The following NTMT1 variants were observed in gnomAD, a reference collection of about 807,000 sequenced individuals.
NTMT1 encodes the protein N-terminal Xaa-Pro-Lys N-methyltransferase 1.
Under a neutral mutation model 17.5 loss-of-function variants are expected in NTMT1, and 8 were observed. The ratio of observed to expected loss-of-function variants is 0.46; its 90% confidence interval spans 0.27 to 0.82. NTMT1 has a LOEUF of 0.82. NTMT1 is among the 40% of genes least tolerant of loss of function. The pLI is 0.15. For missense variants in NTMT1, 221 were observed against 303.5 expected (o/e 0.73, Z 2.02); for synonymous variants, 128 against 126.8 (o/e 1.01, Z -0.06).
chr9:129,610,712 G>A (rs1830095632), intron 1 of NTMT1, among the ~76,000 whole-genome samples: 1 of 152,064 alleles, frequency 6.6e-6, no homozygotes, highest in Non-Finnish European at 1.5e-5. Flanking sequence ...CACTGCCCCC[G>A]CGTGGGCGCG....
chr9:129,614,972 G>A lies in NTMT1; in HGVS notation c.-55+5794G>A, dbSNP rs1830282701. ...GACACCATTACATCCAGGGTCTGGT[G>A]GCTCTTAGCTTCCTTGCTGGACCTG... On this transcript the variant is annotated intron_variant, in intron 1 of 3. Coordinates refer to the NTMT1 transcript ENST00000372486. The surrounding 1 kb of genome is among the most constrained non-coding windows in gnomAD (Gnocchi z 4.4). 6.6e-6 allele frequency among the ~76,000 whole-genome samples: 1 copy of A among 152,182 alleles called. No homozygotes were observed.
chr9:129,629,575 C>T (rs1831052970), intron 1 of NTMT1, among the ~76,000 whole-genome samples: 1 of 152,132 alleles, frequency 6.6e-6, no homozygotes, highest in African/African-American at 2.4e-5. Context: ...CCGTGGGCTT[C>T]TTTCTCCTTC....
Position 129,635,079 on chromosome 9 carries a change from A to G in NTMT1, c.416-129A>G, listed in dbSNP as rs563637995. 66 of 1,077,226 alleles carry G rather than the reference A, an allele frequency of 6.1e-5. No individual in the cohort carries two copies. In the South Asian group the frequency reaches 6.7e-4, roughly 11 times the overall value. The allele number at this position is 1,077,226 out of a possible 1,614,324, so 66.7% of individuals were successfully genotyped here. ...GTAAATCTCTCGGGACTGAGAGCCA[A>G]TGAGGCCATGTGTGCACACAAAATG... On this transcript the variant is annotated intron_variant, in intron 3 of 3. Coordinates refer to ENST00000372483, the MANE Select transcript of NTMT1 (RefSeq NM_014064.4).
rs1831373067 is a variant in NTMT1 at position 129,634,230 on chromosome 9, C to A, written c.339C>A (p.Asn113Lys). 1 of 1,614,018 alleles carries A rather than the reference C, an allele frequency of 6.2e-7. No individual in the cohort carries two copies. The highest frequency in any genetic ancestry group is 1.1e-5 in the South Asian group (1 of 91,090). The change falls in exon 3 of 4, where the codon AAC becomes AAA. Residue 113 changes from asparagine to lysine, a missense_variant. Transcript: ENST00000372483. ...GGGAGGAGGGCAAGAGGGTGAGGAA[C>A]TACTTCTGTTGTGGGCTCCAGGACT... ...YLGEEGKRVR[N>K]YFCCGLQDFT...
intron 1 of NTMT1, chr9:129,628,854 C>T (rs1831012663): frequency 6.6e-6 from 1 of 152,234 alleles, no homozygotes; most frequent in Non-Finnish European, 1.5e-5. Flanking sequence ...GCTCCCCGGC[C>T]AGGCGAGAGA....
chr9:129,621,204 G>A (rs1237948734), upstream of NTMT1, among the ~76,000 whole-genome samples: 1 of 152,216 alleles, frequency 6.6e-6, no homozygotes, highest in Non-Finnish European at 1.5e-5. Context: ...AGGGAAGAGA[G>A]ACCTGACCAG....
chr9:129,612,488 C>T, intron 1 of NTMT1: 2 of 1,568,708 alleles, frequency 1.3e-6, no homozygotes, highest in Non-Finnish European at 1.7e-6. Context: ...TGGCTGCTAC[C>T]AGGACCTCGG....
At position 129,635,865 on chromosome 9, in the gene NTMT1, A is replaced by C; in HGVS notation, c.*401A>C. On this transcript the variant is annotated 3_prime_UTR_variant, in exon 4 of 4. Transcript: ENST00000372483. Reference sequence around the variant, plus strand: ...CCCCAACTTGGTTGCTGGGGACTTGAAGACTTCAGTGTGATCTTTACCTAG... The same window carrying C: ...CCCCAACTTGGTTGCTGGGGACTTGCAGACTTCAGTGTGATCTTTACCTAG... 1 of 220,122 alleles carries C rather than the reference A, an allele frequency of 4.5e-6. No individual in the cohort carries two copies. The highest frequency in any genetic ancestry group is 6.5e-5 in the South Asian group (1 of 15,456). 13.6% of individuals were successfully genotyped at this position (220,122 alleles called of 1,614,324 possible).
intron 1 of NTMT1, among the ~76,000 whole-genome samples, chr9:129,611,146 C>T (rs1830106486): frequency 6.6e-6 from 1 of 152,232 alleles, no homozygotes. Flanking sequence ...CCCCCACCAG[C>T]CACCGCCCAG....
At chr9:129,612,195 A>C (rs2118846593) in intron 1 of NTMT1, 1 of 641,878 alleles carries the variant, frequency 1.6e-6, no homozygotes, top group East Asian at 2.8e-5. Context: ...AGGAACCCCC[A>C]GAGACCAGCA....
In NTMT1 at chr9:129,634,269, G is replaced by A. The variant is rs768616111; in HGVS notation, c.378G>A (p.Pro126=). 20 of 1,612,322 alleles carry A rather than the reference G, an allele frequency of 1.2e-5. No homozygotes were observed. The highest frequency in any genetic ancestry group is 5.5e-5 in the South Asian group (5 of 90,896). Reference sequence around the variant, plus strand: ...GGCTCCAGGACTTCACCCCGGAGCCGGACTCTTACGACGTGATCTGGATCC... The same window carrying A: ...GGCTCCAGGACTTCACCCCGGAGCCAGACTCTTACGACGTGATCTGGATCC... ...CCGLQDFTPE[P]DSYDVIWIQW... Residue 126 remains proline, a synonymous_variant, in exon 3 of 4, where the codon CCG becomes CCA. Transcript: ENST00000372483.
At position 129,635,562 on chromosome 9, in the gene NTMT1, C is replaced by G; in HGVS notation, c.*98C>G. ...CGCCACGCTGGCGGTTCGTGAGTGT[C>G]GAGGCACCACTAAATATAGCTGTCT... On this transcript the variant is annotated 3_prime_UTR_variant, in exon 4 of 4. Coordinates refer to ENST00000372483, the MANE Select transcript of NTMT1 (RefSeq NM_014064.4). 1 of 1,372,506 alleles carries G rather than the reference C, an allele frequency of 7.3e-7. No homozygotes were observed. Among genetic ancestry groups the G allele is most frequent in the Non-Finnish European group, 1.0e-6 (1 of 1,004,174 alleles). The allele number at this position is 1,372,506 out of a possible 1,614,324, so 85.0% of individuals were successfully genotyped here.
rs372980809 is a variant in NTMT1, at chr9:129,635,158, C to T, written c.416-50C>T. ...CTGAGAAGTACATCCCATCCAGTGC[C>T]GACATCCGCTTGCATGGTGCCCTGG... On this transcript the variant is annotated intron_variant, in intron 3 of 3. Transcript: ENST00000372483. The T allele has an allele frequency of 9.5e-6, 15 of 1,573,308 alleles. No homozygotes were observed. In the East Asian group the frequency reaches 1.1e-4, roughly 12 times the overall value.
intron 1 of NTMT1, among the ~76,000 whole-genome samples, chr9:129,627,529 T>A (rs1830958175): frequency 6.6e-6 from 1 of 152,268 alleles, no homozygotes; most frequent in Non-Finnish European, 1.5e-5. Context: ...TCACAGCCTT[T>A]CTGTAAAGTC....
upstream of NTMT1, among the ~76,000 whole-genome samples, chr9:129,621,832 G>C (rs1301240041): frequency 6.6e-6 from 1 of 152,160 alleles, no homozygotes; most frequent in Non-Finnish European, 1.5e-5. Flanking sequence ...CACTCACCCT[G>C]GTGGGCTTCT....
chr9:129,624,891 A>G (rs892345014), upstream of NTMT1, among the ~76,000 whole-genome samples: 2 of 152,122 alleles, frequency 1.3e-5, no homozygotes, highest in Non-Finnish European at 2.9e-5. Flanking sequence ...GCCTCCCAAA[A>G]TGCTGGGATT....
In NTMT1 at chr9:129,620,477, GGCAGCCGCGGGTCGCT is replaced by G; in HGVS notation, c.-55+11302_-55+11317del. On this transcript the variant is annotated intron_variant, in intron 1 of 3. Transcript: ENST00000372486. This position sits in a 1 kb window ranked among gnomAD's most constrained non-coding sequence, Gnocchi z 5.8. ...TCGGAGCGCGGGCGGGGTCAGCTTG[GGCAGCCGCGGGTCGCT>G]GCTGCGTCGGAAGTCTCCGTCGCCA... 1 of 1,377,540 alleles carries G rather than the reference GGCAGCCGCGGGTCGCT, an allele frequency of 7.3e-7. No homozygotes were observed. The highest frequency in any genetic ancestry group is 1.6e-5 in the South Asian group (1 of 62,104). The allele number at this position is 1,377,540 out of a possible 1,614,324, so 85.3% of individuals were successfully genotyped here.
At chr9:129,616,600 C>T (rs1166204230) in intron 1 of NTMT1, among the ~76,000 whole-genome samples, 2 of 152,170 alleles carry the variant, frequency 1.3e-5, no homozygotes, top group East Asian at 3.8e-4. Flanking sequence ...GTCTCCAAGT[C>T]TCCATTCTGC....
Position 129,632,639 on chromosome 9 carries a change from T to C in NTMT1, c.-54-11T>C, listed in dbSNP as rs1438673711. On this transcript the variant is annotated splice_polypyrimidine_tract_variant and intron_variant, in intron 1 of 3. Transcript: ENST00000372483. ...CCTGGCCCGCTGACTCACGCCCCCT[T>C]CCTTACCCAGGAGAGTCGCGGTTGC... 2 of 1,594,700 alleles carry C rather than the reference T, an allele frequency of 1.3e-6. No individual in the cohort carries two copies. The highest frequency in any genetic ancestry group is 4.5e-5 in the East Asian group (2 of 44,632).
Sources: gnomAD v4.1 joint callset for allele counts (sites outside exome capture counted in the v4.1 genomes callset) on GRCh38, gnomAD v4.1.1 for gene constraint, Gnocchi (gnomAD v3.1) non-coding constraint, MANE v1.5 for transcripts, NCBI Gene and HGNC (gene_info 2026-07-23, HGNC 2026-07-21) for gene names.